ERBB4: variants seen among roughly 807,000 people sequenced by gnomAD.
ERBB4 encodes the protein receptor tyrosine-protein kinase erbB-4.
A neutral mutation model predicts 158.0 loss-of-function variants in ERBB4; 42 were observed. That is an observed-to-expected ratio of 0.27 (90% CI 0.21 to 0.34). The LOEUF (loss-of-function observed/expected upper bound fraction) is 0.34. ERBB4 is among the 10% of genes least tolerant of loss of function. The probability of loss-of-function intolerance (pLI) is 1.00; values close to 1 mark genes in which losing one functional copy is unlikely to be tolerated. For missense variants in ERBB4, 1,333 were observed against 1,624.1 expected, an observed-to-expected ratio of 0.82 and a Z score of 3.08; for synonymous variants, 583 against 558.7, an observed-to-expected ratio of 1.04 and a Z score of -0.61.
intron 2 of ERBB4, among the ~76,000 whole-genome samples, chr2:211,993,619 C>G (rs1212030802): frequency 1.4e-5 from 2 of 145,628 alleles, no homozygotes; most frequent in African/African-American, 2.5e-5. Context: ...TTCTAATGTA[C>G]TAAAGAAAAT....
At position 211,804,922 on chromosome 2, in the gene ERBB4, C is replaced by CTTTT. The variant is rs201486236; in HGVS notation, c.422-16767_422-16764dup. Reference sequence around the variant, plus strand: ...GAGGTTACAGCTCTTTCAAAATATTCTTTTTTTTTTTTTTTGAGATGGTGT... The same window carrying CTTTT: ...GAGGTTACAGCTCTTTCAAAATATTCTTTTTTTTTTTTTTTTTTTGAGATGGTGT... On this transcript the variant is annotated intron_variant, in intron 3 of 27. Transcript: ENST00000342788. Among the ~76,000 whole-genome samples, 76 of 139,142 alleles carry CTTTT rather than the reference C, an allele frequency of 5.5e-4. 1 individual carries two copies. The highest frequency in any genetic ancestry group is 2.0e-3 in the African/African-American group (75 of 37,424). The allele number at this position is 139,142 out of a possible 152,430, so 91.3% of individuals were successfully genotyped here.
chr2:212,346,406 T>C (rs533626197), intron 1 of ERBB4, among the ~76,000 whole-genome samples: 1 of 151,120 alleles, frequency 6.6e-6, no homozygotes, highest in African/African-American at 2.5e-5. Context: ...TGTTTATGTG[T>C]ATGTGTTTAA....
chr2:212,147,946 A>G (rs2080737861), intron 1 of ERBB4, among the ~76,000 whole-genome samples: 1 of 152,070 alleles, frequency 6.6e-6, no homozygotes, highest in South Asian at 2.1e-4. Flanking sequence ...TCCATTTCTA[A>G]GATTGGCCTA....
At chr2:211,398,254 A>G (rs2062961702) in intron 25 of ERBB4, among the ~76,000 whole-genome samples, 1 of 152,094 alleles carries the variant, frequency 6.6e-6, no homozygotes, top group African/African-American at 2.4e-5. Flanking sequence ...TAATACCCCC[A>G]GAATCTAACC....
At chr2:211,764,782 A>C (rs2075509379) in intron 4 of ERBB4, among the ~76,000 whole-genome samples, 1 of 152,200 alleles carries the variant, frequency 6.6e-6, no homozygotes, top group African/African-American at 2.4e-5. Context: ...GAACACACAT[A>C]GGAAGACAAA....
chr2:211,603,438 C>A (rs1426325580), intron 19 of ERBB4, among the ~76,000 whole-genome samples: 1 of 151,862 alleles, frequency 6.6e-6, no homozygotes, highest in African/African-American at 2.4e-5. Flanking sequence ...ACAACACCTA[C>A]ATAGCAATCA....
intron 3 of ERBB4, among the ~76,000 whole-genome samples, chr2:211,945,608 T>G (rs1303767752): frequency 6.6e-6 from 1 of 152,050 alleles, no homozygotes; most frequent in African/African-American, 2.4e-5. Flanking sequence ...CTTGAAATAA[T>G]AGTGTTATAT....
intron 1 of ERBB4, among the ~76,000 whole-genome samples, chr2:212,144,277 T>C (rs2080589084): frequency 6.6e-6 from 1 of 152,172 alleles, no homozygotes; most frequent in Non-Finnish European, 1.5e-5. Context: ...TAATTCTTCA[T>C]TAACCATTGA....
intron 1 of ERBB4, among the ~76,000 whole-genome samples, chr2:212,179,057 T>G (rs1575755860): frequency 6.6e-6 from 1 of 151,794 alleles, no homozygotes; most frequent in East Asian, 1.9e-4. Flanking sequence ...TAAATTACAT[T>G]GAAATGAATG....
chr2:212,283,791 A>G (rs2085850274), intron 1 of ERBB4, among the ~76,000 whole-genome samples: 1 of 152,074 alleles, frequency 6.6e-6, no homozygotes, highest in African/African-American at 2.4e-5. Context: ...AATAGTTACT[A>G]TAGTGACATA....
rs1398043496 is a variant in ERBB4, at chr2:212,363,086, C to T, written c.82+175363G>A. Among the ~76,000 whole-genome samples, 5 of 151,214 alleles carry T rather than the reference C, an allele frequency of 3.3e-5. No homozygotes were observed. In the Admixed American group the frequency reaches 3.3e-4, roughly 10 times the overall value. ...GTATATATCCCACTATAATATCAGACTTAAGTATCAGATTCCTATTTACAT... is the reference window on the plus strand; with the variant it reads ...GTATATATCCCACTATAATATCAGATTTAAGTATCAGATTCCTATTTACAT... On this transcript the variant is annotated intron_variant, in intron 1 of 27. Coordinates refer to ENST00000342788, the MANE Select transcript of ERBB4 (RefSeq NM_005235.3).
At chr2:211,874,337 T>C (rs72933720) in intron 3 of ERBB4, among the ~76,000 whole-genome samples, 1 of 152,296 alleles carries the variant, frequency 6.6e-6, no homozygotes, top group Non-Finnish European at 1.5e-5. Flanking sequence ...CCATCTTTAT[T>C]TTTCAGCTTT....
At chr2:212,535,803 A>C (rs544479167) in intron 1 of ERBB4, among the ~76,000 whole-genome samples, 22 of 152,338 alleles carry the variant, frequency 1.4e-4, no homozygotes, top group Admixed American at 6.5e-4. Context: ...CAAGCAAAAG[A>C]AAAAAGAGGT....
At chr2:212,510,915 C>T (rs561087090) in intron 1 of ERBB4, among the ~76,000 whole-genome samples, 9 of 152,048 alleles carry the variant, frequency 5.9e-5, no homozygotes, top group South Asian at 4.1e-4. Context: ...GAATGTCCAA[C>T]GACATTATTT....
chr2:211,535,523 T>A (rs1332755109), intron 20 of ERBB4: 1 of 151,836 alleles, frequency 6.6e-6, no homozygotes, highest in South Asian at 2.1e-4. Flanking sequence ...GAAATGGGAA[T>A]AATGTATTCT....
chr2:212,046,200 T>C (rs2077257969), intron 2 of ERBB4, among the ~76,000 whole-genome samples: 1 of 152,182 alleles, frequency 6.6e-6, no homozygotes. Flanking sequence ...CCTAATTTTT[T>C]ATGAGACATA....
At chr2:211,915,142 A>T (rs897792508) in intron 3 of ERBB4, among the ~76,000 whole-genome samples, 2 of 152,082 alleles carry the variant, frequency 1.3e-5, no homozygotes, top group African/African-American at 2.4e-5. Context: ...AGTACTCTGG[A>T]CTTAGTCCCA....
intron 2 of ERBB4, among the ~76,000 whole-genome samples, chr2:212,023,931 T>A (rs1473723840): frequency 6.6e-6 from 1 of 151,848 alleles, no homozygotes; most frequent in Non-Finnish European, 1.5e-5. Flanking sequence ...TGGCTTTTTT[T>A]TTTTAGGAAA....
intron 12 of ERBB4, among the ~76,000 whole-genome samples, chr2:211,699,330 G>A (rs1341532992): frequency 1.3e-5 from 2 of 152,130 alleles, no homozygotes; most frequent in African/African-American, 2.4e-5. Flanking sequence ...CATCTTGTGT[G>A]TGTGTGATAT....
Sources: allele counts gnomAD v4.1 joint callset (sites outside exome capture counted in the v4.1 genomes callset), GRCh38; gene constraint gnomAD v4.1.1; transcripts MANE v1.5; gene names NCBI Gene and HGNC (gene_info 2026-07-23, HGNC 2026-07-21).